Variants in SLC17A1 observed in about 807,000 individuals in gnomAD.
SLC17A1 encodes sodium-dependent phosphate transport protein 1.
Under a neutral mutation model 53.5 loss-of-function variants are expected in SLC17A1, and 51 were observed. The observed-to-expected ratio is 0.95, with a 90% CI of 0.76 to 1.20. The LOEUF (loss-of-function observed/expected upper bound fraction) is 1.20, where lower values mean the gene tolerates loss of function less well. Ranked by LOEUF, SLC17A1 falls within the 50% of genes most tolerant of loss-of-function variation. SLC17A1 has a pLI of 0.00. For missense variants in SLC17A1, 538 were observed against 568.2 expected (o/e 0.95, Z 0.54); for synonymous variants, 179 against 198.8 (o/e 0.90, Z 0.84).
the SLC17A1 span, chr6:25,770,049 ACT>A: frequency 1.7e-5 from 27 of 1,602,062 alleles, no homozygotes; most frequent in East Asian, 5.8e-4. Flanking sequence ...ACAAACAGTA[ACT>A]CTCTTTGTCA....
In SLC17A1 at chr6:25,819,662, T is replaced by C. The variant is rs530389433; in HGVS notation, c.441+20A>G. On this transcript the variant is annotated intron_variant, in intron 4 of 12. Coordinates refer to ENST00000244527, the MANE Select transcript of SLC17A1 (RefSeq NM_005074.5). ...TCCTGTGAATTTAAACTCTGTTCAG[T>C]TTTAGCATTATTTTAATACCTGGGC... The C allele has an allele frequency of 6.2e-6, 10 of 1,612,882 alleles. No individual in the cohort carries two copies. The South Asian group carries it at 8.8e-5, about 14-fold the overall frequency.
intron 8 of SLC17A1, among the ~76,000 whole-genome samples, 180 bp downstream of exon 8, chr6:25,812,651 C>A (rs574926358): frequency 2.0e-4 from 31 of 152,296 alleles, no homozygotes; most frequent in Non-Finnish European, 3.7e-4. Context: ...ATGTCTACAT[C>A]AATGCCTTCT....
chr6:25,769,825 G>T, the SLC17A1 span, among the ~76,000 whole-genome samples: 3 of 151,104 alleles, frequency 2.0e-5, no homozygotes, highest in East Asian at 5.8e-4. Context: ...CTTCTTTATA[G>T]TCTTTGTTTC....
At chr6:25,783,970 G>C (rs1388377675) in intron 12 of SLC17A1, among the ~76,000 whole-genome samples, 2 of 130,414 alleles carry the variant, frequency 1.5e-5, no homozygotes, top group Admixed American at 1.7e-4. Flanking sequence ...TCCAAAACCT[G>C]AAAAGGGGGA....
chr6:25,787,649 G>T (rs150190898), intron 12 of SLC17A1, among the ~76,000 whole-genome samples: 136 of 152,334 alleles, frequency 8.9e-4, no homozygotes, highest in Middle Eastern at 3.4e-3. Context: ...CTGCTCTGCA[G>T]ATAACAACTT....
At chr6:25,736,120 G>A in the SLC17A1 span, among the ~76,000 whole-genome samples, 1 of 150,590 alleles carries the variant, frequency 6.6e-6, no homozygotes, top group Non-Finnish European at 1.5e-5. Flanking sequence ...GGTGGTGGGG[G>A]TGGGGTGGTA....
At chr6:25,726,498 T>G in the SLC17A1 span, 1 of 1,611,040 alleles carries the variant, frequency 6.2e-7, no homozygotes, top group Non-Finnish European at 8.5e-7. Context: ...TGGCGCGTGC[T>G]TTTCCTCCCT....
chr6:25,759,888 T>A, the SLC17A1 span, among the ~76,000 whole-genome samples: 710 of 152,340 alleles, frequency 4.7e-3, 2 homozygotes, highest in Non-Finnish European at 8.1e-3. Context: ...TCAGAAAATA[T>A]CTGCATTTAA....
chr6:25,770,844 T>A, the SLC17A1 span: 1 of 1,062,496 alleles, frequency 9.4e-7, no homozygotes, highest in African/African-American at 1.6e-5. Context: ...CTTCACTCAC[T>A]GTGCAACTCA....
the SLC17A1 span, chr6:25,770,024 A>G: frequency 4.4e-6 from 7 of 1,579,316 alleles, no homozygotes; most frequent in Non-Finnish European, 6.1e-6. Flanking sequence ...AAAACTGTCA[A>G]TCCTTCAACT....
chr6:25,726,072 C>T, the SLC17A1 span: 9 of 1,451,750 alleles, frequency 6.2e-6, no homozygotes, highest in Middle Eastern at 1.8e-4. Flanking sequence ...GTAGGTGGCT[C>T]TGAAAAGAGC....
intron 10 of SLC17A1, among the ~76,000 whole-genome samples, chr6:25,807,453 T>C (rs1388510504): frequency 6.6e-6 from 1 of 152,002 alleles, no homozygotes; most frequent in Admixed American, 6.6e-5. Context: ...CCAAATGCCG[T>C]ATGTTTTTTA....
chr6:25,747,449 T>C, the SLC17A1 span, among the ~76,000 whole-genome samples: 1 of 152,214 alleles, frequency 6.6e-6, no homozygotes, highest in Non-Finnish European at 1.5e-5. Flanking sequence ...AATATGACTC[T>C]AGGATGTCAG....
At chr6:25,726,167 T>C in the SLC17A1 span, 14 of 1,573,558 alleles carry the variant, frequency 8.9e-6, no homozygotes, top group East Asian at 3.2e-4. Flanking sequence ...TGACTCTCAG[T>C]CTTCTTGGGC....
the SLC17A1 span, chr6:25,727,183 C>T: frequency 5.6e-6 from 9 of 1,614,198 alleles, no homozygotes; most frequent in Non-Finnish European, 7.6e-6. Flanking sequence ...TCCACCATTT[C>T]TTCCAGAGAG....
the SLC17A1 span, chr6:25,773,429 C>T: frequency 6.2e-7 from 1 of 1,611,158 alleles, no homozygotes; most frequent in Non-Finnish European, 8.5e-7. Flanking sequence ...TTCTCTATGT[C>T]CCTCTAGACG....
the SLC17A1 span, among the ~76,000 whole-genome samples, chr6:25,775,357 A>G: frequency 1.2e-4 from 18 of 151,782 alleles, no homozygotes; most frequent in Admixed American, 1.2e-3. Context: ...AGACTGAAAA[A>G]TCTTTCTTTC....
At chr6:25,761,855 T>A in the SLC17A1 span, 1 of 851,516 alleles carries the variant, frequency 1.2e-6, no homozygotes, top group Non-Finnish European at 1.8e-6. Context: ...TTGCTCCTAG[T>A]TCTTAGAAAG....
chr6:25,732,006 G>A, the SLC17A1 span: 1 of 1,557,120 alleles, frequency 6.4e-7, no homozygotes, highest in Non-Finnish European at 8.7e-7. Flanking sequence ...AGAGATTCCA[G>A]TGTCCGCGTG....
Sources: gnomAD v4.1 joint callset for allele counts (sites outside exome capture counted in the v4.1 genomes callset) on GRCh38, gnomAD v4.1.1 for gene constraint, MANE v1.5 for transcripts, NCBI Gene and HGNC (gene_info 2026-07-23, HGNC 2026-07-21) for gene names.